The following FAM186A variants were observed in gnomAD, a reference collection of about 807,000 sequenced individuals.
The protein encoded by FAM186A is protein FAM186A.
In FAM186A, 163 loss-of-function variants were observed where a neutral mutation model predicts 216.8. The observed-to-expected ratio is 0.75, with a 90% CI of 0.66 to 0.86. The LOEUF (loss-of-function observed/expected upper bound fraction) is 0.86, where lower values mean the gene tolerates loss of function less well. Among genes scored for constraint, FAM186A ranks in the 40% least tolerant of loss-of-function variants. The pLI, the probability that FAM186A is intolerant of heterozygous loss-of-function variation, is 0.00. For synonymous variants in FAM186A, 805 were observed against 1,025.3 expected (o/e 0.79, Z 4.10); for missense variants, 2,184 against 2,746.2 (o/e 0.80, Z 4.58).
Position 50,354,967 on chromosome 12 carries a change from T to C in FAM186A, c.1865A>G (p.Glu622Gly). The change falls in exon 4 of 8, where the codon GAA becomes GGA. Residue 622 changes from glutamate to glycine, a missense_variant. Around this residue, in one of 7 missense-constraint regions of FAM186A, gnomAD observed 1,132 missense variants for 1,263.4 expected, o/e 0.90. Coordinates refer to ENST00000327337, the MANE Select transcript of FAM186A (RefSeq NM_001145475.3). ...ISSGTITSKE[E>G]KTEEKEELTK... Reference sequence around the variant, plus strand: ...CAACTCTTCCTTCTCTTCAGTTTTTTCTTCTTTGCTTGTGATAGTTCCTGA... The same window carrying C: ...CAACTCTTCCTTCTCTTCAGTTTTTCCTTCTTTGCTTGTGATAGTTCCTGA... 2 of 1,549,718 alleles carry C rather than the reference T, an allele frequency of 1.3e-6. No individual in the cohort carries two copies. Among genetic ancestry groups the C allele is most frequent in the African/African-American group, 2.7e-5 (2 of 72,930 alleles).
Position 50,354,548 on chromosome 12 carries a change from A to G in FAM186A, c.2284T>C (p.Leu762=), listed in dbSNP as rs1942951518. The change falls in exon 4 of 8, where the codon TTG becomes CTG. Residue 762 remains leucine (L), a synonymous_variant. Transcript: ENST00000327337. ...QKKVVSFMPG[L]HFQKSPISAK... is the part of the protein sequence containing the mutation. ...CTAATTGGTGACTTCTGAAAATGCA[A>G]TCCTGGCATAAATGAGACTACCTTT... The G allele has an allele frequency of 6.4e-7, 1 of 1,551,626 alleles. No individual in the cohort carries two copies. The highest frequency in any genetic ancestry group is 8.7e-7 in the Non-Finnish European group (1 of 1,146,994).
chr12:50,364,351 G>A (rs954578713), intron 1 of FAM186A, among the ~76,000 whole-genome samples: 8 of 151,572 alleles, frequency 5.3e-5, no homozygotes, highest in African/African-American at 1.9e-4. Context: ...TCAGGAGATC[G>A]AGACCATCCT....
chr12:50,364,770 G>A (rs1943071560), intron 1 of FAM186A, among the ~76,000 whole-genome samples: 1 of 151,400 alleles, frequency 6.6e-6, no homozygotes, highest in African/African-American at 2.4e-5. Context: ...AGGCATGGTG[G>A]CTCATGCCTG....
intron 1 of FAM186A, among the ~76,000 whole-genome samples, chr12:50,367,995 A>T (rs1327085324): frequency 6.6e-6 from 1 of 152,006 alleles, no homozygotes; most frequent in Non-Finnish European, 1.5e-5. Flanking sequence ...AAATACAAAA[A>T]TTATTCAGCT....
chr12:50,348,145 A>C (rs1004883911), intron 4 of FAM186A, among the ~76,000 whole-genome samples: 1 of 149,356 alleles, frequency 6.7e-6, no homozygotes, highest in African/African-American at 2.5e-5. Flanking sequence ...CCCGGGTTCA[A>C]ACGATTCTCC....
At chr12:50,393,579 G>T (rs1269939759) in intron 1 of FAM186A, among the ~76,000 whole-genome samples, 1 of 151,690 alleles carries the variant, frequency 6.6e-6, no homozygotes, top group Non-Finnish European at 1.5e-5. Context: ...AGGCGTGGTG[G>T]CTCAAGCCTG....
intron 1 of FAM186A, among the ~76,000 whole-genome samples, chr12:50,390,132 C>T (rs1565898242): frequency 6.6e-6 from 1 of 152,108 alleles, no homozygotes; most frequent in Non-Finnish European, 1.5e-5. Context: ...GTGAGATGGG[C>T]CTGAGCTAAA....
intron 7 of FAM186A, 47 bp from the exon 8 acceptor site, chr12:50,327,451 C>T: frequency 6.8e-7 from 1 of 1,472,690 alleles, no homozygotes; most frequent in Non-Finnish European, 9.3e-7. Flanking sequence ...TTGCTTTAAA[C>T]ACATTTGTGG....
intron 4 of FAM186A, among the ~76,000 whole-genome samples, chr12:50,340,890 G>A (rs984620965): frequency 1.3e-5 from 2 of 151,072 alleles, no homozygotes; most frequent in African/African-American, 2.4e-5. Context: ...TCTGCCTCCC[G>A]AGTTCAAGCG....
intron 1 of FAM186A, among the ~76,000 whole-genome samples, chr12:50,385,288 C>T (rs534463518): frequency 2.0e-5 from 3 of 150,578 alleles, no homozygotes; most frequent in East Asian, 2.0e-4. Context: ...CATGGTTGTA[C>T]GCACCTGTAG....
At chr12:50,364,506 C>T (rs750487816) in intron 1 of FAM186A, among the ~76,000 whole-genome samples, 22 of 150,928 alleles carry the variant, frequency 1.5e-4, no homozygotes, top group African/African-American at 3.2e-4. Flanking sequence ...TACAGTGAGC[C>T]GAGATCACGC....
chr12:50,389,708 T>A (rs1413599827), intron 1 of FAM186A, among the ~76,000 whole-genome samples: 1 of 152,162 alleles, frequency 6.6e-6, no homozygotes, highest in Non-Finnish European at 1.5e-5. Context: ...GGGAATGTGT[T>A]AATTTGTTCA....
At chr12:50,378,224 C>A (rs1943217275) in intron 1 of FAM186A, among the ~76,000 whole-genome samples, 1 of 145,086 alleles carries the variant, frequency 6.9e-6, no homozygotes, top group African/African-American at 2.5e-5. Context: ...AACTCCATCT[C>A]AAAAAAAAAA....
Position 50,353,982 on chromosome 12 carries a change from C to T in FAM186A, c.2850G>A (p.Gln950=), listed in dbSNP as rs1418417686. The change falls in exon 4 of 8, where the codon CAG becomes CAA. Residue 950 remains glutamine (Q), a synonymous_variant. Transcript: ENST00000327337. ...GTGGCCCCAAATGTTTCGCTTCCTT[C>T]TGAATCTGCCTCATCTGTCCATTCT... is the stretch of plus-strand genomic sequence containing the variant. ...EKENGQMRQI[Q]KEAKHLGPHR... is the part of the protein sequence containing the mutation. The T allele has an allele frequency of 3.2e-6, 5 of 1,552,358 alleles. No homozygotes were observed. The highest frequency in any genetic ancestry group is 2.4e-5 in the East Asian group (1 of 40,928).
At position 50,350,680 on chromosome 12, in the gene FAM186A, G is replaced by A; in HGVS notation, c.6152C>T (p.Thr2051Ile). The A allele has an allele frequency of 6.4e-7, 1 of 1,551,662 alleles. No individual in the cohort carries two copies. Among genetic ancestry groups the A allele is most frequent in the Non-Finnish European group, 8.7e-7 (1 of 1,146,986 alleles). Reference sequence around the variant, plus strand: ...AATCTGTGATGTTCTGAGTAGAGTAGTGAGAGAAGATGGTGATGTTGTTGG... The same window carrying A: ...AATCTGTGATGTTCTGAGTAGAGTAATGAGAGAAGATGGTGATGTTGTTGG... Reference protein sequence around the residue: ...MKPTTSPSSLTTLLRTSQISP... With the variant: ...MKPTTSPSSLITLLRTSQISP... The change falls in exon 4 of 8, where the codon ACT (threonine) becomes ATT (isoleucine). Residue 2051 changes from threonine (T) to isoleucine (I), a missense_variant. Coordinates refer to ENST00000327337, the MANE Select transcript of FAM186A (RefSeq NM_001145475.3).
intron 4 of FAM186A, among the ~76,000 whole-genome samples, chr12:50,338,247 G>A (rs1312073540): frequency 3.9e-5 from 6 of 152,090 alleles, no homozygotes; most frequent in African/African-American, 1.4e-4. Flanking sequence ...TGTTGCCCAG[G>A]CTGGAGTACA....
At chr12:50,356,611 A>G (rs1222282145) in intron 3 of FAM186A, among the ~76,000 whole-genome samples, 1 of 152,168 alleles carries the variant, frequency 6.6e-6, no homozygotes, top group Non-Finnish European at 1.5e-5. Context: ...GTACCTGGCA[A>G]TCACCTAGAA....
intron 1 of FAM186A, among the ~76,000 whole-genome samples, chr12:50,388,399 C>T (rs1943325491): frequency 6.6e-6 from 1 of 152,106 alleles, no homozygotes; most frequent in African/African-American, 2.4e-5. Flanking sequence ...GGGAGGATCC[C>T]CTGAGGTCAG....
chr12:50,334,051 C>T lies in FAM186A; in HGVS notation c.6556G>A (p.Glu2186Lys). ...KAIQNTGKGY[E>K]ARNLHMMLSR... is the part of the protein sequence containing the mutation. ...AGCATCATGTGGAGGTTCCTGGCCTCATAGCCTTTCCCAGTATTTTGGATG... is the reference window on the plus strand; with the variant it reads ...AGCATCATGTGGAGGTTCCTGGCCTTATAGCCTTTCCCAGTATTTTGGATG... Residue 2186 changes from glutamate to lysine, a missense_variant, in exon 5 of 8, where the codon GAG becomes AAG. Glu to Lys is a moderately conservative substitution (Grantham distance 56). Around this residue, in one of 7 missense-constraint regions of FAM186A, gnomAD observed 721 missense variants for 816.4 expected, o/e 0.88. Coordinates refer to ENST00000327337, the MANE Select transcript of FAM186A (RefSeq NM_001145475.3). The T allele has an allele frequency of 2.6e-6, 4 of 1,551,044 alleles. No homozygotes were observed. The highest frequency in any genetic ancestry group is 3.5e-6 in the Non-Finnish European group (4 of 1,146,816).
Sources: allele counts gnomAD v4.1 joint callset (sites outside exome capture counted in the v4.1 genomes callset), GRCh38; gene constraint gnomAD v4.1.1; regional missense constraint gnomAD v4.1.1; transcripts MANE v1.5; gene names NCBI Gene and HGNC (gene_info 2026-07-23, HGNC 2026-07-21).